Variants in CHD1L observed in about 807,000 individuals in gnomAD.
CHD1L encodes ATP-dependent chromatin remodeler CHD1L.
A neutral mutation model predicts 115.9 loss-of-function variants in CHD1L; 118 were observed. The observed-to-expected ratio is 1.02, with a 90% confidence interval of 0.88 to 1.19. The LOEUF is 1.19. Ranked by LOEUF, CHD1L falls within the 50% of genes most tolerant of loss-of-function variation. The probability of loss-of-function intolerance (pLI) is 0.00; values close to 1 mark genes in which losing one functional copy is unlikely to be tolerated. For synonymous variants in CHD1L, 411 were observed against 387.1 expected (o/e 1.06, Z -0.72); for missense variants, 1,179 against 1,065.3 (o/e 1.11, Z -1.49).
chr1:147,210,676 A>G, the CHD1L span: 1 of 152,168 alleles, frequency 6.6e-6, no homozygotes, highest in South Asian at 2.1e-4. Context: ...ATGAAATAGT[A>G]ATAATAATAA....
chr1:147,185,194 C>T, the CHD1L span, among the ~76,000 whole-genome samples: 1 of 151,616 alleles, frequency 6.6e-6, no homozygotes, highest in Non-Finnish European at 1.5e-5. Flanking sequence ...TGTAACCTTG[C>T]ATATAATATG....
rs1553942870 is a variant in CHD1L, at chr1:147,259,937, C to G, written c.576+19C>G. ...GTCAGAGGTAAACTTACAGTGTAGC[C>G]TTAGTTTTTATATAACCCCTTCTTT... is the stretch of plus-strand genomic sequence containing the variant. On this transcript the variant is annotated intron_variant, in intron 6 of 22. Transcript: ENST00000369258. 6.3e-7 allele frequency: 1 copy of G among 1,587,276 alleles called. No individual in the cohort carries two copies. Among genetic ancestry groups the G allele is most frequent in the South Asian group, 1.1e-5 (1 of 88,404 alleles).
At chr1:147,233,892 G>A in the CHD1L span, among the ~76,000 whole-genome samples, 1 of 151,918 alleles carries the variant, frequency 6.6e-6, no homozygotes, top group African/African-American at 2.4e-5. Context: ...GAAGCTTGAA[G>A]GCAGCATGCT....
chr1:147,179,631 A>T, the CHD1L span: 1 of 1,494,396 alleles, frequency 6.7e-7, no homozygotes, highest in Non-Finnish European at 9.3e-7. Context: ...TCTCTAAAGC[A>T]GTAGGCAAAC....
chr1:147,209,147 C>G, the CHD1L span: 1 of 996,710 alleles, frequency 1.0e-6, no homozygotes, highest in Non-Finnish European at 1.5e-6. Context: ...AGGCCCGGCG[C>G]GGTGGCTCAC....
At chr1:147,259,555 A>G (rs1415649386) in intron 5 of CHD1L, 3 of 264,250 alleles carry the variant, frequency 1.1e-5, no homozygotes, top group Non-Finnish European at 2.2e-5. Context: ...ACAAAGTAGG[A>G]GATCATAAAT....
At chr1:147,294,358 C>A in intron 21 of CHD1L, 51 bp from the exon 22 acceptor site, 1 of 1,313,368 alleles carries the variant, frequency 7.6e-7, no homozygotes, top group Non-Finnish European at 1.1e-6. Flanking sequence ...ATTTTATACC[C>A]ATCAATCAAT....
At chr1:147,225,571 T>C in the CHD1L span, 1 of 155,528 alleles carries the variant, frequency 6.4e-6, no homozygotes, top group Non-Finnish European at 1.4e-5. Context: ...CACTCTCAAT[T>C]ACTTTCTCTG....
the CHD1L span, among the ~76,000 whole-genome samples, chr1:147,231,450 G>A: frequency 6.6e-6 from 1 of 152,172 alleles, no homozygotes; most frequent in Non-Finnish European, 1.5e-5. Flanking sequence ...TTTGGAATAG[G>A]TGTGGTGTGG....
intron 5 of CHD1L, among the ~76,000 whole-genome samples, chr1:147,256,994 A>T (rs1331001837): frequency 1.3e-5 from 2 of 152,226 alleles, no homozygotes; most frequent in Non-Finnish European, 2.9e-5. Flanking sequence ...TAAAATAGCA[A>T]TCAGTGCCGT....
At chr1:147,179,438 C>T in the CHD1L span, 7 of 1,593,526 alleles carry the variant, frequency 4.4e-6, no homozygotes, top group Non-Finnish European at 6.0e-6. Context: ...AATGATGTGC[C>T]TTCTCCATAT....
the CHD1L span, chr1:147,224,843 A>G: frequency 0.031 from 48,808 of 1,554,412 alleles, 1,144 homozygotes; most frequent in South Asian, 0.09. Flanking sequence ...TGTCGTATGC[A>G]CCTAGTTGCA....
intron 12 of CHD1L, among the ~76,000 whole-genome samples, chr1:147,272,755 T>C (rs1242701801): frequency 6.6e-6 from 1 of 152,198 alleles, no homozygotes; most frequent in Non-Finnish European, 1.5e-5. Context: ...TTTAGAATTA[T>C]TTATGACATC....
the CHD1L span, among the ~76,000 whole-genome samples, chr1:147,227,384 A>T: frequency 6.6e-6 from 1 of 152,256 alleles, no homozygotes; most frequent in African/African-American, 2.4e-5. Context: ...AATCAGTTTT[A>T]CAAATAATGC....
At chr1:147,182,778 G>A in the CHD1L span, among the ~76,000 whole-genome samples, 2 of 152,190 alleles carry the variant, frequency 1.3e-5, no homozygotes. Flanking sequence ...GGTCAAGGAT[G>A]ACATATATAT....
chr1:147,295,543 A>T lies in CHD1L; in HGVS notation c.*34A>T, dbSNP rs782257705. The T allele has an allele frequency of 2.7e-6, 4 of 1,464,052 alleles. No homozygotes were observed. In the East Asian group the frequency reaches 9.1e-5, roughly 33 times the overall value. The allele number at this position is 1,464,052 out of a possible 1,614,324, so 90.7% of individuals were successfully genotyped here. Reference sequence around the variant, plus strand: ...CCAGCCTCAGATCCTGTCTTTAGCAACCAGCTAATATTTACCCAGAGGTAC... The same window carrying T: ...CCAGCCTCAGATCCTGTCTTTAGCATCCAGCTAATATTTACCCAGAGGTAC... On this transcript the variant is annotated 3_prime_UTR_variant, in exon 23 of 23. Transcript: ENST00000369258.
intron 19 of CHD1L, among the ~76,000 whole-genome samples, chr1:147,287,940 G>A (rs778349381): frequency 7.2e-5 from 11 of 152,188 alleles, no homozygotes; most frequent in Non-Finnish European, 1.3e-4. Flanking sequence ...TGTGATTTGT[G>A]AATAATACTT....
rs1682225498 is a variant in CHD1L at position 147,284,409 on chromosome 1, CAG to C, written c.1766_1767del (p.Arg589LysfsTer4). 1 of 1,610,372 alleles carries C rather than the reference CAG, an allele frequency of 6.2e-7. No individual in the cohort carries two copies. The highest frequency in any genetic ancestry group is 8.5e-7 in the Non-Finnish European group (1 of 1,177,758). On this transcript the variant is annotated frameshift_variant, in exon 16 of 23. Coordinates refer to ENST00000369258, the MANE Select transcript of CHD1L (RefSeq NM_004284.6). LOFTEE classifies it high-confidence loss of function. ...ATTCTAAAGAGCCCAGTAAGGAAGA[CAG>C]AAAATCATTTGAACAACTGGTAAAC... The part of the protein sequence containing the change: ...DYSKEPSKED[R>X]KSFEQLVNLQ...
intron 1 of CHD1L, among the ~76,000 whole-genome samples, chr1:147,245,888 G>A (rs1174939187): frequency 1.3e-5 from 2 of 151,894 alleles, no homozygotes; most frequent in Non-Finnish European, 2.9e-5. Context: ...GTTTCCCCTC[G>A]TGGTCATATC....
Sources: gnomAD v4.1 joint callset for allele counts (sites outside exome capture counted in the v4.1 genomes callset) on GRCh38, gnomAD v4.1.1 for gene constraint, MANE v1.5 for transcripts, NCBI Gene and HGNC (gene_info 2026-07-23, HGNC 2026-07-21) for gene names.